The following ROBO2 variants were observed in gnomAD, a reference collection of about 807,000 sequenced individuals.
ROBO2 encodes the protein roundabout homolog 2.
A neutral mutation model predicts 160.8 loss-of-function variants in ROBO2; 53 were observed. That is an observed-to-expected ratio of 0.33 (90% confidence interval 0.26 to 0.41). The LOEUF is 0.41. Ranked by LOEUF, ROBO2 falls within the 10% of genes least tolerant of loss-of-function variation. ROBO2 has a pLI of 1.00. For synonymous variants in ROBO2, 664 were observed against 611.7 expected (o/e 1.09, Z -1.26); for missense variants, 1,577 against 1,722.4 (o/e 0.92, Z 1.49).
intron 2 of ROBO2, among the ~76,000 whole-genome samples, chr3:76,657,214 A>G (rs1005084564): frequency 2.3e-4 from 34 of 150,400 alleles, no homozygotes; most frequent in African/African-American, 8.1e-4. Flanking sequence ...TCACGAGGTC[A>G]GGAGATCGAG....
intron 2 of ROBO2, among the ~76,000 whole-genome samples, chr3:76,272,812 A>T (rs1346126812): frequency 1.5e-4 from 1 of 6,704 alleles, no homozygotes; most frequent in Non-Finnish European, 5.5e-4. Flanking sequence ...AAAATATATA[A>T]TATGTATTTA....
chr3:77,029,333 T>A (rs1270148468), intron 2 of ROBO2, among the ~76,000 whole-genome samples: 1 of 152,204 alleles, frequency 6.6e-6, no homozygotes, highest in Non-Finnish European at 1.5e-5. Context: ...GAATTTTCTT[T>A]TTTATTTATT....
chr3:76,416,783 T>A (rs1407073449), intron 2 of ROBO2, among the ~76,000 whole-genome samples: 3 of 151,288 alleles, frequency 2.0e-5, no homozygotes, highest in Non-Finnish European at 4.4e-5. Flanking sequence ...ATCTGCGCCG[T>A]CAACTTTCTT....
At chr3:76,537,766 T>G (rs944594181) in intron 2 of ROBO2, among the ~76,000 whole-genome samples, 3 of 151,848 alleles carry the variant, frequency 2.0e-5, no homozygotes, top group Non-Finnish European at 4.4e-5. Flanking sequence ...GTGGGCTGAG[T>G]CCGAAAAGAG....
chr3:77,149,796 C>CT (rs34729793), intron 2 of ROBO2, among the ~76,000 whole-genome samples: 64,064 of 146,540 alleles, frequency 0.44, 14,244 homozygotes, highest in Middle Eastern at 0.57. Flanking sequence ...TCCTATTTTG[C>CT]TTTTTTTTTT....
intron 2 of ROBO2, among the ~76,000 whole-genome samples, chr3:76,875,766 G>A (rs777518997): frequency 7.9e-5 from 12 of 151,842 alleles, no homozygotes; most frequent in Admixed American, 6.6e-4. Flanking sequence ...GCAATTCTCC[G>A]CCTCCACCTC....
At chr3:77,507,024 A>C (rs1582555051) in intron 5 of ROBO2, among the ~76,000 whole-genome samples, 2 of 152,140 alleles carry the variant, frequency 1.3e-5, no homozygotes, top group East Asian at 3.9e-4. Flanking sequence ...TAAGGCAGAT[A>C]ATTTTTCTTC....
intron 2 of ROBO2, among the ~76,000 whole-genome samples, chr3:76,758,955 T>A (rs1302294184): frequency 1.3e-5 from 2 of 151,894 alleles, no homozygotes; most frequent in Admixed American, 6.6e-5. Context: ...TTGCTATGCG[T>A]ATGAAGGACA....
intron 2 of ROBO2, among the ~76,000 whole-genome samples, chr3:76,026,635 A>G (rs1359732230): frequency 1.3e-5 from 2 of 152,006 alleles, no homozygotes; most frequent in Non-Finnish European, 2.9e-5. Context: ...AGATAAAGTA[A>G]TAAACAAAAG....
Position 77,622,475 on chromosome 3 carries a change from C to T in ROBO2, c.3760+43C>T, listed in dbSNP as rs565331019. On this transcript the variant is annotated intron_variant, in intron 23 of 25. Transcript: ENST00000461745. ...ATAGGAAAAACTGACCTATTGGTAA[C>T]ATTAAAATGCATCAAAAGTCAACTA... 1.4e-5 allele frequency: 21 copies of T among 1,505,264 alleles called. No homozygotes were observed. The East Asian group carries it at 4.3e-4, about 31-fold the overall frequency. 93.2% of individuals were successfully genotyped at this position (1,505,264 alleles called of 1,614,324 possible). A position where few individuals can be genotyped will look rare whatever the true frequency, so the allele number is the denominator to read the frequency against.
At chr3:77,522,791 G>A (rs1466496757) in exon 6 of ROBO2, 3 of 1,608,702 alleles carry the variant, frequency 1.9e-6, no homozygotes, top group East Asian at 2.2e-5. Flanking sequence ...CATCAAAGAC[G>A]ATTACACACT....
chr3:77,327,247 T>C (rs182220144), intron 2 of ROBO2, among the ~76,000 whole-genome samples: 160 of 152,342 alleles, frequency 1.1e-3, no homozygotes, highest in African/African-American at 3.7e-3. Flanking sequence ...AGAATACTTC[T>C]AACCAATGTT....
chr3:77,635,002 A>G lies in ROBO2; in HGVS notation c.3893A>G (p.Gln1298Arg), dbSNP rs1266698370. 20 of 1,614,068 alleles carry G rather than the reference A, an allele frequency of 1.2e-5. No individual in the cohort carries two copies. In the Admixed American group the frequency reaches 3.0e-4, roughly 24 times the overall value. The stretch of plus-strand genomic sequence containing the variant: ...AAACACAAGGGAGGGCGGATGGACC[A>G]ACAACCAGCATTGCCTCATCGAAGG... The change falls in exon 24 of 26, where the codon CAA (glutamine) becomes CGA (arginine). Residue 1298 changes from glutamine to arginine, a missense_variant. Physicochemically the swap from Gln to Arg is conservative, Grantham distance 43. Around this residue, in one of 2 missense-constraint regions of ROBO2, gnomAD observed 637 missense variants for 586.9 expected, o/e 1.09. Coordinates refer to ENST00000461745, the Ensembl canonical transcript of ROBO2.
chr3:77,544,577 C>T (rs12486213), intron 6 of ROBO2, among the ~76,000 whole-genome samples: 15,902 of 152,018 alleles, frequency 0.1, 1,095 homozygotes, highest in South Asian at 0.15. Flanking sequence ...GCTTTTTCTA[C>T]GCTAGGATTC....
intron 2 of ROBO2, among the ~76,000 whole-genome samples, chr3:77,240,517 C>T (rs909779308): frequency 3.9e-5 from 6 of 152,298 alleles, no homozygotes; most frequent in South Asian, 2.1e-4. Context: ...TCGGCCAGCC[C>T]AGAGAGGGGC....
intron 21 of ROBO2, among the ~76,000 whole-genome samples, chr3:77,612,945 T>G (rs1470174613): frequency 2.6e-5 from 4 of 151,650 alleles, no homozygotes; most frequent in East Asian, 1.9e-4. Context: ...AGAGCGAGAC[T>G]CCGTCTCAAA....
At chr3:76,982,642 GAAATA>G (rs1559797717) in intron 2 of ROBO2, among the ~76,000 whole-genome samples, 1 of 152,096 alleles carries the variant, frequency 6.6e-6, no homozygotes, top group Non-Finnish European at 1.5e-5. Flanking sequence ...ATTACACTGT[GAAATA>G]AAATAAAATG....
At chr3:76,886,041 G>A (rs1021102902) in intron 2 of ROBO2, among the ~76,000 whole-genome samples, 2 of 152,102 alleles carry the variant, frequency 1.3e-5, no homozygotes, top group African/African-American at 4.8e-5. Context: ...GTAGACTGAG[G>A]TACAGCAGTT....
intron 21 of ROBO2, among the ~76,000 whole-genome samples, chr3:77,615,622 G>T (rs748762062): frequency 7.2e-5 from 11 of 152,114 alleles, no homozygotes; most frequent in Non-Finnish European, 1.5e-4. Context: ...TTCACTTGGT[G>T]ATATGCGTTC....
Sources: gnomAD v4.1 joint callset for allele counts (sites outside exome capture counted in the v4.1 genomes callset) on GRCh38, gnomAD v4.1.1 for gene constraint, gnomAD v4.1.1 regional missense constraint, MANE v1.5 for transcripts, NCBI Gene and HGNC (gene_info 2026-07-23, HGNC 2026-07-21) for gene names.